Variants in HTRA1 observed in about 807,000 individuals in gnomAD.
HTRA1 encodes serine protease HTRA1.
Under a neutral mutation model 49.7 loss-of-function variants are expected in HTRA1, and 26 were observed. The observed-to-expected ratio is 0.52, with a 90% confidence interval of 0.38 to 0.73. The LOEUF (loss-of-function observed/expected upper bound fraction) is 0.73. HTRA1 is among the 30% of genes least tolerant of loss of function. The probability of loss-of-function intolerance (pLI) is 0.00; values close to 1 mark genes in which losing one functional copy is unlikely to be tolerated. For synonymous variants in HTRA1, 291 were observed against 286.9 expected (o/e 1.01, Z -0.14); for missense variants, 561 against 667.2 (o/e 0.84, Z 1.75).
chr10:122,502,670 C>T (rs1195481550), intron 3 of HTRA1, among the ~76,000 whole-genome samples: 1 of 152,236 alleles, frequency 6.6e-6, no homozygotes, highest in Non-Finnish European at 1.5e-5. Flanking sequence ...CCCCTCTCTT[C>T]TTCTGGCCTC....
intron 5 of HTRA1, 144 bp from the exon 6 acceptor site, chr10:122,508,512 G>C: frequency 1.4e-6 from 1 of 733,640 alleles, no homozygotes; most frequent in Non-Finnish European, 2.5e-6. Flanking sequence ...CTCTCTCCCT[G>C]CTGCCACGGG....
At chr10:122,501,781 C>T (rs945013061) in intron 3 of HTRA1, among the ~76,000 whole-genome samples, 4 of 151,942 alleles carry the variant, frequency 2.6e-5, no homozygotes, top group South Asian at 4.2e-4. Flanking sequence ...GACACAGTCA[C>T]GTCTTGATGT....
intron 1 of HTRA1, among the ~76,000 whole-genome samples, chr10:122,467,916 C>T (rs1248577196): frequency 6.6e-6 from 1 of 152,122 alleles, no homozygotes; most frequent in East Asian, 1.9e-4. Context: ...GTGCCTAGAA[C>T]CACAGGGGGA....
intron 7 of HTRA1, among the ~76,000 whole-genome samples, chr10:122,510,367 C>A (rs1239258212): frequency 6.6e-6 from 1 of 152,224 alleles, no homozygotes; most frequent in African/African-American, 2.4e-5. Flanking sequence ...AGCTGGTTTT[C>A]TTCACTGGCA....
chr10:122,492,926 G>C (rs1210055215), intron 3 of HTRA1, among the ~76,000 whole-genome samples: 13 of 152,124 alleles, frequency 8.5e-5, no homozygotes, highest in Admixed American at 8.5e-4. Context: ...AGCCCCTGCT[G>C]TTGAGCCCCC....
intron 3 of HTRA1, among the ~76,000 whole-genome samples, chr10:122,504,502 C>T (rs563235448): frequency 6.6e-6 from 1 of 152,296 alleles, no homozygotes; most frequent in East Asian, 1.9e-4. Context: ...AGTTTGACCT[C>T]CTGCCTCCTG....
intron 3 of HTRA1, among the ~76,000 whole-genome samples, chr10:122,497,645 G>A (rs1028052287): frequency 5.3e-5 from 8 of 152,216 alleles, no homozygotes; most frequent in Non-Finnish European, 1.0e-4. Flanking sequence ...TGAAAAGCAG[G>A]CTGCATCCGT....
At chr10:122,500,870 G>A (rs528876501) in intron 3 of HTRA1, among the ~76,000 whole-genome samples, 43 of 152,156 alleles carry the variant, frequency 2.8e-4, no homozygotes, top group Admixed American at 6.5e-4. Context: ...CTCCCTTCCC[G>A]TGGTGGGCCC....
intron 3 of HTRA1, among the ~76,000 whole-genome samples, chr10:122,497,138 G>A (rs917870703): frequency 8.5e-5 from 13 of 152,136 alleles, no homozygotes; most frequent in South Asian, 2.1e-4. Context: ...ATAAACATGC[G>A]AATTAACAGT....
At chr10:122,499,370 A>G (rs2097500011) in intron 3 of HTRA1, among the ~76,000 whole-genome samples, 1 of 152,228 alleles carries the variant, frequency 6.6e-6, no homozygotes, top group Non-Finnish European at 1.5e-5. Context: ...GAGAGACAGC[A>G]TGTGGAAGAA....
At position 122,490,384 on chromosome 10, in the gene HTRA1, C is replaced by A. The variant is rs1043536051; in HGVS notation, c.777+758C>A. Among the ~76,000 whole-genome samples the A allele has an allele frequency of 2.0e-5, 3 of 152,132 alleles. No individual in the cohort carries two copies. Among genetic ancestry groups the A allele is most frequent in the Non-Finnish European group, 4.4e-5 (3 of 68,026 alleles). ...GCTTTCTATTTAAATATTCTCTTTG[C>A]AATCATTTTTGCTCTGTTGATTTGC... On this transcript the variant is annotated intron_variant, in intron 3 of 8. Coordinates refer to ENST00000368984, the MANE Select transcript of HTRA1 (RefSeq NM_002775.5). This position sits in a 1 kb window ranked among gnomAD's most constrained non-coding sequence, Gnocchi z 4.2.
chr10:122,500,420 A>G (rs1376644794), intron 3 of HTRA1, among the ~76,000 whole-genome samples: 1 of 152,232 alleles, frequency 6.6e-6, no homozygotes, highest in Non-Finnish European at 1.5e-5. Context: ...TAATTGTCAG[A>G]GCTGAGATGA....
chr10:122,502,245 A>G (rs558172992), intron 3 of HTRA1, among the ~76,000 whole-genome samples: 1 of 152,166 alleles, frequency 6.6e-6, no homozygotes, highest in Non-Finnish European at 1.5e-5. Context: ...CACTCACTGA[A>G]TGGTTGTTGA....
At chr10:122,465,974 A>T (rs2097483600) in intron 1 of HTRA1, among the ~76,000 whole-genome samples, 1 of 152,108 alleles carries the variant, frequency 6.6e-6, no homozygotes, top group Non-Finnish European at 1.5e-5. Flanking sequence ...TACTCCATGC[A>T]GCAGCCCAGA....
In HTRA1 at chr10:122,509,586, G is replaced by A. The variant is rs117757341; in HGVS notation, c.1121-510G>A. 1.1e-3 allele frequency among the ~76,000 whole-genome samples: 172 copies of A among 152,362 alleles called. 1 individual carries two copies. Among genetic ancestry groups the A allele is most frequent in the East Asian group, 8.3e-3 (43 of 5,184 alleles). ...CGGGCGAGCAGGCTCACAGCAGGCC[G>A]TGGTGAGGGACCTGGGTTGCATCCT... is the stretch of plus-strand genomic sequence containing the variant. On this transcript the variant is annotated intron_variant, in intron 6 of 8. Coordinates refer to ENST00000368984, the MANE Select transcript of HTRA1 (RefSeq NM_002775.5).
At chr10:122,474,606 A>G (rs1201147668) in intron 1 of HTRA1, among the ~76,000 whole-genome samples, 5 of 152,244 alleles carry the variant, frequency 3.3e-5, no homozygotes, top group Non-Finnish European at 7.3e-5. Flanking sequence ...GAGTCAGGGC[A>G]GGAAGCGAAC....
intron 1 of HTRA1, among the ~76,000 whole-genome samples, chr10:122,472,100 A>G (rs2097486356): frequency 6.6e-6 from 1 of 152,148 alleles, no homozygotes; most frequent in Admixed American, 6.5e-5. Flanking sequence ...TGGAATGAGG[A>G]CTGAGATGCT....
rs111580234 is a variant in HTRA1 at position 122,514,239 on chromosome 10, C to T, written c.1323C>T (p.Ser441=). The change falls in exon 9 of 9, where the codon TCC becomes TCT. Residue 441 remains serine (S), a synonymous_variant. Coordinates refer to ENST00000368984, the MANE Select transcript of HTRA1 (RefSeq NM_002775.5). ...TCATAATCAGCATCAATGGACAGTCCGTGGTCTCCGCCAATGATGTCAGCG... is the reference window on the plus strand; with the variant it reads ...TCATAATCAGCATCAATGGACAGTCTGTGGTCTCCGCCAATGATGTCAGCG... The part of the protein sequence containing the change: ...NDVIISINGQ[S]VVSANDVSDV... The T allele has an allele frequency of 5.7e-5, 92 of 1,614,004 alleles. No individual in the cohort carries two copies. In the African/African-American group the frequency reaches 7.9e-4, roughly 14 times the overall value.
At chr10:122,496,228 CTTTTTTTTT>C (rs71026021) in intron 3 of HTRA1, among the ~76,000 whole-genome samples, 62 of 75,678 alleles carry the variant, frequency 8.2e-4, no homozygotes, top group African/African-American at 3.3e-3. Flanking sequence ...ATTGTGGGTT[CTTTTTTTTT>C]TTTTTTTTTT....
Sources: gnomAD v4.1 joint callset for allele counts (sites outside exome capture counted in the v4.1 genomes callset) on GRCh38, gnomAD v4.1.1 for gene constraint, Gnocchi (gnomAD v3.1) non-coding constraint, MANE v1.5 for transcripts, NCBI Gene and HGNC (gene_info 2026-07-23, HGNC 2026-07-21) for gene names.